The following SNX13 variants were observed in gnomAD, a reference collection of about 807,000 sequenced individuals.
SNX13 encodes the protein sorting nexin 13, also known as sorting nexin-13.
A neutral mutation model predicts 133.6 loss-of-function variants in SNX13; 45 were observed. That is an observed-to-expected ratio of 0.34 (90% CI 0.27 to 0.43). The LOEUF (loss-of-function observed/expected upper bound fraction) is 0.43, where lower values mean the gene tolerates loss of function less well. Among genes scored for constraint, SNX13 ranks in the 20% least tolerant of loss-of-function variants. The pLI is 1.00. For missense variants in SNX13, 1,032 were observed against 1,145.1 expected (o/e 0.90, Z 1.43); for synonymous variants, 414 against 373.9 (o/e 1.11, Z -1.24).
intron 9 of SNX13, among the ~76,000 whole-genome samples, chr7:17,854,104 G>C (rs960393379): frequency 6.6e-6 from 1 of 152,160 alleles, no homozygotes; most frequent in African/African-American, 2.4e-5. Context: ...AAATGTATGA[G>C]TGTAAAAGAT....
At chr7:17,805,296 T>C (rs1785169344) in intron 20 of SNX13, among the ~76,000 whole-genome samples, 1 of 149,892 alleles carries the variant, frequency 6.7e-6, no homozygotes, top group Non-Finnish European at 1.5e-5. Context: ...TCTAATTCTA[T>C]ATACTGTAGT....
rs1203501077 is a variant in SNX13 at position 17,790,920 on chromosome 7, C to T, written c.*3125G>A. The T allele has an allele frequency of 1.3e-5, 2 of 152,000 alleles. No homozygotes were observed. Among genetic ancestry groups the T allele is most frequent in the African/African-American group, 4.8e-5 (2 of 41,428 alleles). The allele number at this position is 152,000 out of a possible 1,614,324, so 9.4% of individuals were successfully genotyped here. A position where few individuals can be genotyped will look rare whatever the true frequency, so the allele number is the denominator to read the frequency against. On this transcript the variant is annotated 3_prime_UTR_variant, in exon 26 of 26. Transcript: ENST00000428135. ...ATAGAACAGTTAGGCACACAGTTGA[C>T]ACTTACTGTACAATGATATGCACAC...
intron 4 of SNX13, 32 bp from the exon 5 acceptor site, chr7:17,890,516 A>C: frequency 6.6e-7 from 1 of 1,504,250 alleles, no homozygotes; most frequent in Non-Finnish European, 9.0e-7. Flanking sequence ...AAAAATTACA[A>C]CATTTTAGGA....
At chr7:17,807,918 C>A (rs1032309170) in intron 20 of SNX13, among the ~76,000 whole-genome samples, 2 of 152,150 alleles carry the variant, frequency 1.3e-5, no homozygotes, top group African/African-American at 4.8e-5. Flanking sequence ...TCAACATCAA[C>A]AAAAAGGACA....
At chr7:17,858,195 G>C (rs999620616) in intron 9 of SNX13, among the ~76,000 whole-genome samples, 2 of 152,094 alleles carry the variant, frequency 1.3e-5, no homozygotes, top group African/African-American at 4.8e-5. Flanking sequence ...AGGCAAGAGA[G>C]AAATAAAGAG....
At chr7:17,858,098 C>G (rs1012534384) in intron 9 of SNX13, among the ~76,000 whole-genome samples, 6 of 152,098 alleles carry the variant, frequency 3.9e-5, no homozygotes, top group African/African-American at 1.4e-4. Flanking sequence ...AAGCTAAAAG[C>G]TTTTCCTTTA....
chr7:17,895,238 G>GT (rs1388416519), intron 2 of SNX13, among the ~76,000 whole-genome samples: 1 of 152,126 alleles, frequency 6.6e-6, no homozygotes, highest in Non-Finnish European at 1.5e-5. Flanking sequence ...AGTTTCAGCT[G>GT]TAAAGTTTAA....
At chr7:17,901,128 G>C (rs1438000118) in intron 1 of SNX13, among the ~76,000 whole-genome samples, 1 of 152,134 alleles carries the variant, frequency 6.6e-6, no homozygotes, top group Non-Finnish European at 1.5e-5. Flanking sequence ...GGTAGGGCCT[G>C]GAACAGGGGC....
At chr7:17,925,273 A>C (rs1162140694) in intron 1 of SNX13, among the ~76,000 whole-genome samples, 1 of 152,190 alleles carries the variant, frequency 6.6e-6, no homozygotes, top group Non-Finnish European at 1.5e-5. Flanking sequence ...TGAAGGAGAA[A>C]GAAGTGTGGA....
At chr7:17,907,841 T>C (rs1365234217) in intron 1 of SNX13, among the ~76,000 whole-genome samples, 1 of 152,188 alleles carries the variant, frequency 6.6e-6, no homozygotes, top group Non-Finnish European at 1.5e-5. Flanking sequence ...AAGCTTGCAA[T>C]TCCCAGGGTT....
intron 1 of SNX13, among the ~76,000 whole-genome samples, chr7:17,938,053 G>GT (rs1446918342): frequency 6.6e-6 from 1 of 152,130 alleles, no homozygotes; most frequent in Non-Finnish European, 1.5e-5. Flanking sequence ...CAATAAAAAG[G>GT]AAGTCTCACA....
intron 18 of SNX13, among the ~76,000 whole-genome samples, chr7:17,819,199 G>A (rs1264122604): frequency 6.6e-6 from 1 of 152,032 alleles, no homozygotes; most frequent in Non-Finnish European, 1.5e-5. Context: ...AAATCTTTAA[G>A]GAAAATAAAT....
intron 12 of SNX13, among the ~76,000 whole-genome samples, chr7:17,842,897 T>C (rs934705817): frequency 6.6e-6 from 1 of 152,006 alleles, no homozygotes; most frequent in Non-Finnish European, 1.5e-5. Flanking sequence ...GGATGTTACA[T>C]GTAATCCCCA....
rs145377350 is a variant in SNX13, at chr7:17,865,815, A to C, written c.837+2592T>G. On this transcript the variant is annotated intron_variant, in intron 9 of 25. Transcript: ENST00000428135. ...CACATAAACCAATGGAACAGAATAG[A>C]GAACACAGAAATAAACCCACACATT... Among the ~76,000 whole-genome samples the C allele has an allele frequency of 4.4e-3, 664 of 152,332 alleles. 2 individuals carry two copies. The highest frequency in any genetic ancestry group is 0.015 in the African/African-American group (631 of 41,576).
intron 20 of SNX13, among the ~76,000 whole-genome samples, chr7:17,813,964 G>C (rs1404620926): frequency 6.6e-6 from 1 of 151,842 alleles, no homozygotes; most frequent in Non-Finnish European, 1.5e-5. Context: ...CTTTTTAGGG[G>C]GACAAAGAAT....
At chr7:17,928,204 A>T (rs1233240264) in intron 1 of SNX13, among the ~76,000 whole-genome samples, 1 of 152,176 alleles carries the variant, frequency 6.6e-6, no homozygotes, top group Non-Finnish European at 1.5e-5. Context: ...ATCATTTATT[A>T]AGTGCTTACT....
At position 17,845,623 on chromosome 7, in the gene SNX13, T is replaced by C; in HGVS notation, c.1137A>G (p.Val379=). The change falls in exon 12 of 26, where the codon GTA becomes GTG. Residue 379 remains valine (V), a synonymous_variant. Coordinates refer to ENST00000428135, the MANE Select transcript of SNX13 (RefSeq NM_015132.5). The stretch of plus-strand genomic sequence containing the variant: ...TAAAAAATTGTAGTGCAACATTGTC[T>C]ACAAGAATGCTGTCCAGGGGGACTG... ...LCTVPLDSIL[V]DNVALQFFMD... The C allele has an allele frequency of 2.5e-6, 4 of 1,601,972 alleles. No individual in the cohort carries two copies. Among genetic ancestry groups the C allele is most frequent in the Non-Finnish European group, 3.4e-6 (4 of 1,174,514 alleles).
chr7:17,903,459 TAC>T (rs1314174385), intron 1 of SNX13, among the ~76,000 whole-genome samples: 1 of 152,174 alleles, frequency 6.6e-6, no homozygotes, highest in Non-Finnish European at 1.5e-5. Context: ...GCTCAAAAAC[TAC>T]AGACTTAGGA....
At chr7:17,891,273 C>G (rs542146310) in intron 4 of SNX13, among the ~76,000 whole-genome samples, 2 of 151,914 alleles carry the variant, frequency 1.3e-5, no homozygotes, top group Non-Finnish European at 2.9e-5. Context: ...AAGAGTAACA[C>G]TTTAACTGTA....
Sources: gnomAD v4.1 joint callset for allele counts (sites outside exome capture counted in the v4.1 genomes callset) on GRCh38, gnomAD v4.1.1 for gene constraint, MANE v1.5 for transcripts, NCBI Gene and HGNC (gene_info 2026-07-23, HGNC 2026-07-21) for gene names.